The following IQCJ variants were observed in gnomAD, a reference collection of about 807,000 sequenced individuals.
IQCJ encodes IQ domain-containing protein J.
A neutral mutation model predicts 11.0 loss-of-function variants in IQCJ; 9 were observed. The observed-to-expected ratio is 0.82, with a 90% CI of 0.49 to 1.43. The LOEUF (loss-of-function observed/expected upper bound fraction) is 1.43. Ranked by LOEUF, IQCJ falls within the 40% of genes most tolerant of loss-of-function variation. The pLI is 0.00. For missense variants in IQCJ, 146 were observed against 133.2 expected, an observed-to-expected ratio of 1.10 and a Z score of -0.47; for synonymous variants, 55 against 51.3, an observed-to-expected ratio of 1.07 and a Z score of -0.31.
chr3:159,215,665 G>A (rs2108103471), intron 1 of IQCJ, among the ~76,000 whole-genome samples: 1 of 152,184 alleles, frequency 6.6e-6, no homozygotes, highest in East Asian at 1.9e-4. Flanking sequence ...ACTTCCACCA[G>A]ACAGGACAGT....
intron 1 of IQCJ, among the ~76,000 whole-genome samples, chr3:159,224,668 G>T (rs1420793224): frequency 2.6e-5 from 4 of 152,120 alleles, no homozygotes. Flanking sequence ...TAATGCCTCT[G>T]CAAAAGATCA....
intron 1 of IQCJ, among the ~76,000 whole-genome samples, chr3:159,165,557 T>A (rs922831170): frequency 6.6e-6 from 1 of 152,172 alleles, no homozygotes; most frequent in Non-Finnish European, 1.5e-5. Context: ...CAAGCCTCAT[T>A]TTGTGAAGCT....
chr3:159,192,234 T>C (rs1259420677), intron 1 of IQCJ, among the ~76,000 whole-genome samples: 1 of 152,214 alleles, frequency 6.6e-6, no homozygotes, highest in African/African-American at 2.4e-5. Flanking sequence ...ATGTTATTGA[T>C]AATTTATGTG....
intron 1 of IQCJ, among the ~76,000 whole-genome samples, chr3:159,185,716 G>C (rs1723337205): frequency 6.6e-6 from 1 of 152,110 alleles, no homozygotes; most frequent in Non-Finnish European, 1.5e-5. Context: ...CTTTTAGCAA[G>C]AGGCTTCAGT....
intron 1 of IQCJ, among the ~76,000 whole-genome samples, chr3:159,142,729 C>CTTTTA (rs981200369): frequency 2.6e-5 from 4 of 152,116 alleles, no homozygotes; most frequent in Admixed American, 1.3e-4. Flanking sequence ...GGGGGCAGGT[C>CTTTTA]TTTTATTTTA....
intron 1 of IQCJ, among the ~76,000 whole-genome samples, chr3:159,074,755 T>C (rs1357781421): frequency 1.3e-5 from 2 of 151,832 alleles, no homozygotes; most frequent in Admixed American, 6.6e-5. Context: ...AAACACCTTT[T>C]TGGGATCCAC....
intron 1 of IQCJ, among the ~76,000 whole-genome samples, chr3:159,105,422 G>A (rs1057172312): frequency 1.3e-5 from 2 of 152,064 alleles, no homozygotes; most frequent in Non-Finnish European, 2.9e-5. Flanking sequence ...CAATTTTATT[G>A]AGCATCTACT....
chr3:159,165,850 C>A (rs1414700322), intron 1 of IQCJ, among the ~76,000 whole-genome samples: 4 of 147,594 alleles, frequency 2.7e-5, no homozygotes, highest in Admixed American at 1.4e-4. Context: ...AGGGTGGTCT[C>A]CATCTCTTGA....
intron 1 of IQCJ, among the ~76,000 whole-genome samples, chr3:159,185,703 C>T (rs757706255): frequency 2.0e-4 from 31 of 152,088 alleles, no homozygotes; most frequent in South Asian, 6.2e-4. Context: ...AATTCCTTTC[C>T]GGCTTTTAGC....
At chr3:159,132,462 A>G (rs1232672751) in intron 1 of IQCJ, among the ~76,000 whole-genome samples, 1 of 152,190 alleles carries the variant, frequency 6.6e-6, no homozygotes, top group Non-Finnish European at 1.5e-5. Context: ...GTAATCACAA[A>G]TGATTTTTTA....
intron 1 of IQCJ, among the ~76,000 whole-genome samples, chr3:159,105,313 C>A (rs1718185840): frequency 1.3e-5 from 2 of 152,190 alleles, no homozygotes; most frequent in South Asian, 2.1e-4. Flanking sequence ...GAATTTGTTA[C>A]AATTACCACC....
chr3:159,228,547 T>C (rs998288459), intron 1 of IQCJ, among the ~76,000 whole-genome samples: 1 of 152,112 alleles, frequency 6.6e-6, no homozygotes, highest in African/African-American at 2.4e-5. Context: ...TCCTAGCACT[T>C]TGGGAGGCCG....
chr3:159,241,501 CAG>C (rs2108182574), intron 1 of IQCJ, among the ~76,000 whole-genome samples: 1 of 152,264 alleles, frequency 6.6e-6, no homozygotes, highest in East Asian at 1.9e-4. Context: ...CAGTTTGAAA[CAG>C]ATGTTCACAG....
chr3:159,250,742 C>T (rs1416923411), intron 2 of IQCJ, among the ~76,000 whole-genome samples: 1 of 152,196 alleles, frequency 6.6e-6, no homozygotes. Context: ...CACCTGGTCT[C>T]GTCCTTGACA....
At chr3:159,259,981 A>C (rs1371160032) in intron 3 of IQCJ, among the ~76,000 whole-genome samples, 1 of 152,258 alleles carries the variant, frequency 6.6e-6, no homozygotes, top group African/African-American at 2.4e-5. Flanking sequence ...CTCCTGTATT[A>C]AGAAAGTCAG....
intron 1 of IQCJ, among the ~76,000 whole-genome samples, chr3:159,127,510 T>C (rs1719744426): frequency 6.6e-6 from 1 of 152,190 alleles, no homozygotes; most frequent in South Asian, 2.1e-4. Flanking sequence ...CAGCACTTAT[T>C]TTTTAGCCAT....
At chr3:159,088,614 G>T (rs1256625441) in intron 1 of IQCJ, among the ~76,000 whole-genome samples, 2 of 152,194 alleles carry the variant, frequency 1.3e-5, no homozygotes, top group Non-Finnish European at 2.9e-5. Context: ...TGTATTGGGT[G>T]CATATATATG....
chr3:159,188,573 G>A (rs1187774219), intron 1 of IQCJ, among the ~76,000 whole-genome samples: 3 of 152,078 alleles, frequency 2.0e-5, no homozygotes, highest in African/African-American at 7.2e-5. Context: ...TACATTTTAT[G>A]GTACTTTTGT....
At chr3:159,189,285 A>C (rs1723547487) in intron 1 of IQCJ, among the ~76,000 whole-genome samples, 1 of 152,124 alleles carries the variant, frequency 6.6e-6, no homozygotes, top group African/African-American at 2.4e-5. Context: ...AGTTATATAG[A>C]TATATTTGCA....
Sources: gnomAD v4.1 joint callset for allele counts (sites outside exome capture counted in the v4.1 genomes callset) on GRCh38, gnomAD v4.1.1 for gene constraint, MANE v1.5 for transcripts, NCBI Gene and HGNC (gene_info 2026-07-23, HGNC 2026-07-21) for gene names.